DYM: variants seen among roughly 807,000 people sequenced by gnomAD.
DYM encodes dymeclin.
In DYM, 78 loss-of-function variants were observed where a neutral mutation model predicts 93.1. That is an observed-to-expected ratio of 0.84 (90% CI 0.70 to 1.01). The LOEUF (loss-of-function observed/expected upper bound fraction) is 1.01, where lower values mean the gene tolerates loss of function less well. DYM is among the 50% of genes least tolerant of loss of function. DYM has a pLI of 0.00. For missense variants in DYM, 789 were observed against 845.0 expected (o/e 0.93, Z 0.82); for synonymous variants, 321 against 319.7 (o/e 1.00, Z -0.04).
chr18:49,117,933 G>A (rs1385900595), intron 16 of DYM, among the ~76,000 whole-genome samples: 2 of 151,016 alleles, frequency 1.3e-5, no homozygotes, highest in East Asian at 1.9e-4. Context: ...TCCCGACCTC[G>A]TGATCTGCCC....
chr18:49,383,573 T>C (rs77414431), intron 3 of DYM, among the ~76,000 whole-genome samples: 14,442 of 152,284 alleles, frequency 0.095, 892 homozygotes, highest in East Asian at 0.31. Flanking sequence ...ATAGGATCTA[T>C]ATAAGCAACA....
At chr18:49,090,843 T>C (rs530298803) in intron 17 of DYM, among the ~76,000 whole-genome samples, 5 of 152,350 alleles carry the variant, frequency 3.3e-5, no homozygotes, top group African/African-American at 9.6e-5. Context: ...TGAGAAACTA[T>C]TGAAAATTTA....
chr18:49,306,697 G>A (rs1031685739), intron 8 of DYM, among the ~76,000 whole-genome samples: 7 of 152,112 alleles, frequency 4.6e-5, no homozygotes, highest in African/African-American at 1.4e-4. Context: ...CTAACTTCTC[G>A]ATTCATAAGT....
chr18:49,211,138 T>C (rs1156354037), intron 13 of DYM, among the ~76,000 whole-genome samples: 2 of 152,302 alleles, frequency 1.3e-5, no homozygotes, highest in South Asian at 4.2e-4. Context: ...CTTAGAAATC[T>C]AAATCCTGCT....
intron 9 of DYM, among the ~76,000 whole-genome samples, chr18:49,282,519 A>G (rs538764765): frequency 3.9e-5 from 6 of 152,196 alleles, no homozygotes; most frequent in Non-Finnish European, 8.8e-5. Flanking sequence ...AGGCTATAGC[A>G]GGAGAATCGC....
intron 14 of DYM, among the ~76,000 whole-genome samples, chr18:49,196,703 G>A (rs113779376): frequency 6.6e-6 from 1 of 152,184 alleles, no homozygotes; most frequent in African/African-American, 2.4e-5. Flanking sequence ...TCCTGGAAGA[G>A]AAAGCACAAT....
At chr18:49,326,880 T>C (rs564312209) in intron 8 of DYM, among the ~76,000 whole-genome samples, 5 of 152,148 alleles carry the variant, frequency 3.3e-5, no homozygotes, top group African/African-American at 1.2e-4. Flanking sequence ...AGCTGGTAAG[T>C]ATACTGTGGT....
In DYM at chr18:49,440,136, C is replaced by T. The variant is rs997122918; in HGVS notation, c.-53-9689G>A. On this transcript the variant is annotated intron_variant, in intron 1 of 17. Coordinates refer to ENST00000675505, the MANE Select transcript of DYM (RefSeq NM_001353214.3). The stretch of plus-strand genomic sequence containing the variant: ...CAATCTCCTCTTTTATGTGTACTGA[C>T]TATCTCTTGATTTGATGTGCCTTAA... 1.3e-4 allele frequency among the ~76,000 whole-genome samples: 18 copies of T among 141,932 alleles called. 1 individual carries two copies. The highest frequency in any genetic ancestry group is 3.1e-5 in the Non-Finnish European group (2 of 65,450). 93.1% of individuals were successfully genotyped at this position (141,932 alleles called of 152,430 possible). A position where few individuals can be genotyped will look rare whatever the true frequency, so the allele number is the denominator to read the frequency against.
intron 16 of DYM, among the ~76,000 whole-genome samples, chr18:49,098,162 G>T (rs915692997): frequency 6.6e-6 from 1 of 152,076 alleles, no homozygotes; most frequent in Admixed American, 6.6e-5. Flanking sequence ...TCATTTTTCA[G>T]CAAATTATTT....
At chr18:49,356,522 C>G (rs527268216) in intron 6 of DYM, among the ~76,000 whole-genome samples, 1 of 152,126 alleles carries the variant, frequency 6.6e-6, no homozygotes, top group East Asian at 1.9e-4. Context: ...CAACCCTACC[C>G]TCACTCCTCC....
intron 8 of DYM, among the ~76,000 whole-genome samples, chr18:49,315,602 A>C (rs929454012): frequency 2.0e-5 from 3 of 152,234 alleles, no homozygotes. Flanking sequence ...ACTACATGAA[A>C]GACTAAAAGA....
chr18:49,120,250 C>T (rs1031513745), intron 15 of DYM, among the ~76,000 whole-genome samples: 3 of 151,966 alleles, frequency 2.0e-5, no homozygotes, highest in Non-Finnish European at 1.5e-5. Flanking sequence ...TTAATAACTA[C>T]ATTAATTGCA....
chr18:49,177,979 A>G (rs1320996788), intron 14 of DYM, among the ~76,000 whole-genome samples: 1 of 152,156 alleles, frequency 6.6e-6, no homozygotes, highest in Admixed American at 6.6e-5. Flanking sequence ...CAGTAACTTC[A>G]TAAGAAACCC....
At chr18:49,083,518 T>C (rs2078236276) in intron 17 of DYM, among the ~76,000 whole-genome samples, 1 of 152,182 alleles carries the variant, frequency 6.6e-6, no homozygotes. Flanking sequence ...CTGGCCTCCC[T>C]GAATGAGCTG....
chr18:49,129,866 GT>G (rs2144034537), intron 15 of DYM, among the ~76,000 whole-genome samples: 1 of 152,248 alleles, frequency 6.6e-6, no homozygotes, highest in Admixed American at 6.5e-5. Flanking sequence ...AATTTTCATT[GT>G]CTCTAGGGGG....
At chr18:49,385,029 T>C (rs2068451541) in intron 3 of DYM, among the ~76,000 whole-genome samples, 2 of 150,588 alleles carry the variant, frequency 1.3e-5, no homozygotes, top group African/African-American at 4.9e-5. Flanking sequence ...ATGAGAAATA[T>C]TTATCACCAA....
Position 49,097,444 on chromosome 18 carries a change from G to C in DYM, c.1983C>G (p.Ile661Met), listed in dbSNP as rs745978580. 6.2e-7 allele frequency: 1 copy of C among 1,614,036 alleles called. No individual in the cohort carries two copies. The highest frequency in any genetic ancestry group is 8.5e-7 in the Non-Finnish European group (1 of 1,179,932). The change falls in exon 17 of 18, where the codon ATC becomes ATG. Residue 661 changes from isoleucine to methionine, a missense_variant. By Grantham distance (10) the Ile-to-Met change is conservative. Around this residue, in one of 3 missense-constraint regions of DYM, gnomAD observed 114 missense variants for 105.8 expected, o/e 1.08. Transcript: ENST00000675505. ...GCAGCGCAACGACGCCTTGCTTAAT[G>C]ATTTCCAGGACCCGTTCCACTGACA... ...AELSVERVLE[I>M]IKQGVVALPK...
rs1568490455 is a variant in DYM at position 49,145,129 on chromosome 18, AT to A, written c.1728+18555del. 9.8e-4 allele frequency among the ~76,000 whole-genome samples: 115 copies of A among 117,382 alleles called. 11 individuals are homozygous for A. Among genetic ancestry groups the A allele is most frequent in the South Asian group, 2.0e-3 (7 of 3,468 alleles). The allele number at this position is 117,382 out of a possible 152,430, so 77.0% of individuals were successfully genotyped here. On this transcript the variant is annotated intron_variant, in intron 15 of 17. Coordinates refer to ENST00000675505, the MANE Select transcript of DYM (RefSeq NM_001353214.3). ...AATTCATATATATATATATATATATATATATAATTTATATATATAATATACA... is the reference window on the plus strand; with the variant it reads ...AATTCATATATATATATATATATATAATATAATTTATATATATAATATACA...
chr18:49,053,477 T>A (rs1415943235), intron 17 of DYM, among the ~76,000 whole-genome samples: 4 of 151,518 alleles, frequency 2.6e-5, no homozygotes, highest in Non-Finnish European at 5.9e-5. Flanking sequence ...AAAAAAAAAA[T>A]TCAAGACCAT....
Sources: gnomAD v4.1 joint callset for allele counts (sites outside exome capture counted in the v4.1 genomes callset) on GRCh38, gnomAD v4.1.1 for gene constraint, gnomAD v4.1.1 regional missense constraint, MANE v1.5 for transcripts, NCBI Gene and HGNC (gene_info 2026-07-23, HGNC 2026-07-21) for gene names.